The following PCDHGA4 variants were observed in gnomAD, a reference collection of about 807,000 sequenced individuals.
PCDHGA4 encodes protocadherin gamma-A4.
PCDHGA4 carries 38 observed loss-of-function variants against 54.6 expected under a neutral mutation model. The ratio of observed to expected loss-of-function variants is 0.70; its 90% CI spans 0.54 to 0.91. The LOEUF (loss-of-function observed/expected upper bound fraction) is 0.91. Ranked by LOEUF, PCDHGA4 falls within the 40% of genes least tolerant of loss-of-function variation. The pLI is 0.00. For synonymous variants in PCDHGA4, 511 were observed against 512.9 expected, an observed-to-expected ratio of 1.00 and a Z score of 0.05; for missense variants, 1,298 against 1,220.9, an observed-to-expected ratio of 1.06 and a Z score of -0.94.
intron 1 of PCDHGA4, among the ~76,000 whole-genome samples, chr5:141,445,429 C>G (rs974775529): frequency 2.6e-5 from 4 of 152,200 alleles, no homozygotes; most frequent in Non-Finnish European, 5.9e-5. Flanking sequence ...ATGCAAGGCA[C>G]TGACCTATGG....
chr5:141,450,489 CTGTT>C (rs1372781820), intron 1 of PCDHGA4, among the ~76,000 whole-genome samples: 4 of 150,280 alleles, frequency 2.7e-5, no homozygotes, highest in Non-Finnish European at 2.9e-5. Context: ...GTTTGTTTGT[CTGTT>C]TGTTTGTTTT....
At chr5:141,492,382 T>C (rs71583650) in intron 1 of PCDHGA4, among the ~76,000 whole-genome samples, 2,103 of 152,322 alleles carry the variant, frequency 0.014, 36 homozygotes, top group African/African-American at 0.031. Flanking sequence ...ACAGGCCTGT[T>C]CCGGTCCACT....
intron 1 of PCDHGA4, chr5:141,385,756 T>A: frequency 5.6e-6 from 1 of 179,052 alleles, no homozygotes; most frequent in Non-Finnish European, 1.1e-5. Flanking sequence ...GATTTTTTTC[T>A]GTGGCTGATT....
intron 1 of PCDHGA4, chr5:141,408,522 A>C: frequency 1.2e-6 from 2 of 1,614,026 alleles, no homozygotes; most frequent in Non-Finnish European, 1.7e-6. Flanking sequence ...TTGCAATTGG[A>C]AGCTGTGGTG....
chr5:141,444,093 G>A (rs531514787), intron 1 of PCDHGA4, among the ~76,000 whole-genome samples: 1 of 147,730 alleles, frequency 6.8e-6, no homozygotes, highest in East Asian at 2.0e-4. Flanking sequence ...GTCTGCTAAG[G>A]ATTGGAAACC....
Position 141,478,415 on chromosome 5 carries a change from C to A in PCDHGA4, c.2515-16392C>A, listed in dbSNP as rs182700706. 5.6e-6 allele frequency: 9 copies of A among 1,613,648 alleles called. No homozygotes were observed. In the East Asian group the frequency reaches 2.0e-4, roughly 36 times the overall value. ...TCAGGTGTATCTCACCACGGACTCC[C>A]GCCGCAGCGACCCGCTGCTGAAGAA... On this transcript the variant is annotated intron_variant, in intron 1 of 3. Coordinates refer to ENST00000571252, the MANE Select transcript of PCDHGA4 (RefSeq NM_018917.4).
chr5:141,392,977 AC>A (rs1561639344), intron 1 of PCDHGA4: 1 of 1,613,678 alleles, frequency 6.2e-7, no homozygotes, highest in South Asian at 1.1e-5. Flanking sequence ...CTGGGGCTGG[AC>A]CCCCGGAAGC....
rs990493129 is a variant in PCDHGA4 at position 141,449,560 on chromosome 5, G to C, written c.2515-45247G>C. On this transcript the variant is annotated intron_variant, in intron 1 of 3. Coordinates refer to ENST00000571252, the MANE Select transcript of PCDHGA4 (RefSeq NM_018917.4). ...GCCGAGATCGCACCACTGCACTCCA[G>C]CCTGGGCGACAGAGCAAGACTCTGT... Among the ~76,000 whole-genome samples, 4 of 145,056 alleles carry C rather than the reference G, an allele frequency of 2.8e-5. No homozygotes were observed. The Admixed American group carries it at 2.8e-4, about 10-fold the overall frequency.
chr5:141,490,336 G>T lies in PCDHGA4; in HGVS notation c.2515-4471G>T. 2 of 1,614,224 alleles carry T rather than the reference G, an allele frequency of 1.2e-6. No individual in the cohort carries two copies. The highest frequency in any genetic ancestry group is 8.5e-7 in the Non-Finnish European group (1 of 1,180,040). ...CCCTGTCCTAGAGAGCACACCAGTGGGCACAGTAGTGGGGTTGTTTAATGT... is the reference window on the plus strand; with the variant it reads ...CCCTGTCCTAGAGAGCACACCAGTGTGCACAGTAGTGGGGTTGTTTAATGT... On this transcript the variant is annotated intron_variant, in intron 1 of 3. Transcript: ENST00000571252. This position sits in a 1 kb window ranked among gnomAD's most constrained non-coding sequence, Gnocchi z 5.4.
chr5:141,396,765 T>A (rs1446594255), intron 1 of PCDHGA4: 1 of 152,246 alleles, frequency 6.6e-6, no homozygotes, highest in Non-Finnish European at 1.5e-5. Flanking sequence ...CAATAAATGT[T>A]TGTTATTAAT....
Position 141,491,944 on chromosome 5 carries a change from C to A in PCDHGA4, c.2515-2863C>A. On this transcript the variant is annotated intron_variant, in intron 1 of 3. Transcript: ENST00000571252. This position sits in a 1 kb window ranked among gnomAD's most constrained non-coding sequence, Gnocchi z 6.9. ...CGAGGGGAGGTGGGACCGACCCCCA[C>A]CCCTACACTCAAAAAAGGCCGGGGC... 2 of 1,120,270 alleles carry A rather than the reference C, an allele frequency of 1.8e-6. No individual in the cohort carries two copies. Among genetic ancestry groups the A allele is most frequent in the Non-Finnish European group, 2.4e-6 (2 of 822,060 alleles). The allele number at this position is 1,120,270 out of a possible 1,614,324, so 69.4% of individuals were successfully genotyped here.
chr5:141,441,752 C>T, intron 1 of PCDHGA4: 2 of 378,086 alleles, frequency 5.3e-6, no homozygotes, highest in Non-Finnish European at 1.1e-5. Context: ...TCGGCGTCAA[C>T]GTGAGCCTGC....
In PCDHGA4 at chr5:141,357,109, G is replaced by A. The variant is rs1023003199; in HGVS notation, c.2002G>A (p.Ala668Thr). The A allele has an allele frequency of 6.2e-7, 1 of 1,613,832 alleles. No homozygotes were observed. The highest frequency in any genetic ancestry group is 8.5e-7 in the Non-Finnish European group (1 of 1,179,948). The change falls in exon 1 of 4, where the codon GCG becomes ACG. Residue 668 changes from alanine (A) to threonine (T), a missense_variant. Ala to Thr is a moderately conservative substitution (Grantham distance 58). Transcript: ENST00000571252. ...CGCACGGGCCCTGCTGGACAGAGAC[G>A]CGCTCAAGCAGAGGCTTGTAGTGGT... ...RTARALLDRD[A>T]LKQRLVVVVQ...
chr5:141,374,846 C>G, intron 1 of PCDHGA4: 1 of 1,613,842 alleles, frequency 6.2e-7, no homozygotes, highest in Non-Finnish European at 8.5e-7. Context: ...TCCTGAAAAC[C>G]TGCCAGTAGG....
At position 141,356,571 on chromosome 5, in the gene PCDHGA4, C is replaced by T. The variant is rs775921422; in HGVS notation, c.1464C>T (p.Tyr488=). The stretch of plus-strand genomic sequence containing the variant: ...CACCCACTTTCCCTCATGCTTCCTA[C>T]TCTGCTTACATTCCTGAAAACAACC... The part of the protein sequence containing the change: ...DNPPTFPHAS[Y]SAYIPENNPR... The change falls in exon 1 of 4, where the codon TAC becomes TAT. Residue 488 remains tyrosine (Y), a synonymous_variant. Coordinates refer to ENST00000571252, the MANE Select transcript of PCDHGA4 (RefSeq NM_018917.4). 5.0e-6 allele frequency: 8 copies of T among 1,614,186 alleles called. No individual in the cohort carries two copies. The East Asian group carries it at 8.9e-5, about 18-fold the overall frequency.
intron 1 of PCDHGA4, chr5:141,389,425 C>G (rs1464186383): frequency 6.2e-7 from 1 of 1,613,500 alleles, no homozygotes. Context: ...GTGGTGTTCG[C>G]GCAGCGCGCC....
intron 1 of PCDHGA4, chr5:141,361,674 G>A: frequency 5.0e-6 from 8 of 1,613,644 alleles, no homozygotes; most frequent in Non-Finnish European, 6.8e-6. Context: ...AGAGCGGGGT[G>A]GTGTTCGCGC....
At chr5:141,384,244 C>T in intron 1 of PCDHGA4, 1 of 1,613,828 alleles carries the variant, frequency 6.2e-7, no homozygotes, top group Middle Eastern at 1.6e-4. Flanking sequence ...CAACGATAAC[C>T]CACCCACCTT....
At chr5:141,424,171 C>A in intron 1 of PCDHGA4, 1 of 226,338 alleles carries the variant, frequency 4.4e-6, no homozygotes, top group Non-Finnish European at 8.0e-6. Flanking sequence ...ATCTATCTAT[C>A]TATACACATG....
Sources: gnomAD v4.1 joint callset for allele counts (sites outside exome capture counted in the v4.1 genomes callset) on GRCh38, gnomAD v4.1.1 for gene constraint, Gnocchi (gnomAD v3.1) non-coding constraint, MANE v1.5 for transcripts, NCBI Gene and HGNC (gene_info 2026-07-23, HGNC 2026-07-21) for gene names.